The following EYS variants were observed in gnomAD, a reference collection of about 807,000 sequenced individuals.
EYS encodes EGF-like photoreceptor maintenance factor.
EYS carries 250 observed loss-of-function variants against 282.1 expected under a neutral mutation model. That is an observed-to-expected ratio of 0.89 (90% CI 0.80 to 0.98). The LOEUF is 0.98. EYS is among the 50% of genes least tolerant of loss of function. The pLI, the probability that EYS is intolerant of heterozygous loss-of-function variation, is 0.00. For missense variants in EYS, 4,016 were observed against 3,709.0 expected, an observed-to-expected ratio of 1.08 and a Z score of -2.15; for synonymous variants, 1,355 against 1,282.9, an observed-to-expected ratio of 1.06 and a Z score of -1.20.
chr6:65,151,741 G>A (rs558654947), intron 12 of EYS, among the ~76,000 whole-genome samples: 75 of 151,942 alleles, frequency 4.9e-4, no homozygotes, highest in African/African-American at 1.7e-3. Flanking sequence ...GATTAGCTAT[G>A]TATTTTCAGT....
At chr6:65,696,829 C>G (rs9363421) in intron 1 of EYS, among the ~76,000 whole-genome samples, 46,450 of 151,784 alleles carry the variant, frequency 0.31, 8,271 homozygotes, top group African/African-American at 0.49. Flanking sequence ...AAAAATATTT[C>G]TAAAGAAAAT....
At chr6:64,809,362 G>A (rs1429723322) in intron 22 of EYS, among the ~76,000 whole-genome samples, 3 of 151,850 alleles carry the variant, frequency 2.0e-5, no homozygotes, top group Non-Finnish European at 2.9e-5. Context: ...TTACATTTAC[G>A]ATGAAAGAAA....
At chr6:64,152,942 T>A (rs1774790865) in intron 31 of EYS, among the ~76,000 whole-genome samples, 1 of 152,138 alleles carries the variant, frequency 6.6e-6, no homozygotes, top group South Asian at 2.1e-4. Context: ...AAAAATTGTA[T>A]GCTGTGTAGG....
At chr6:64,981,004 G>A (rs529854823) in intron 14 of EYS, among the ~76,000 whole-genome samples, 2 of 151,336 alleles carry the variant, frequency 1.3e-5, no homozygotes, top group Non-Finnish European at 3.0e-5. Flanking sequence ...GATTTAAGTC[G>A]CTGTAATTCA....
chr6:63,843,614 A>T (rs976129607), intron 36 of EYS, among the ~76,000 whole-genome samples: 11 of 152,174 alleles, frequency 7.2e-5, no homozygotes, highest in Non-Finnish European at 1.5e-5. Flanking sequence ...AAATAATAAG[A>T]GCTATTTATG....
rs1175147346 is a variant in EYS at position 64,699,753 on chromosome 6, T to A, written c.3444-73508A>T. On this transcript the variant is annotated intron_variant, in intron 22 of 42. Coordinates refer to ENST00000503581, the MANE Select transcript of EYS (RefSeq NM_001142800.2). ...AAGACTGGTCAAATTCACAGATGAA[T>A]TCTATCAAATCTACAAAGAAAAACT... is the stretch of plus-strand genomic sequence containing the variant. Among the ~76,000 whole-genome samples, 3 of 152,004 alleles carry A rather than the reference T, an allele frequency of 2.0e-5. No homozygotes were observed. In the East Asian group the frequency reaches 5.8e-4, roughly 29 times the overall value.
chr6:63,725,289 G>T (rs1582144619), intron 42 of EYS, among the ~76,000 whole-genome samples: 1 of 151,932 alleles, frequency 6.6e-6, no homozygotes, highest in East Asian at 1.9e-4. Context: ...CCTCCTATGT[G>T]TATTAGTGTG....
chr6:64,872,810 T>C (rs927137422), intron 19 of EYS, among the ~76,000 whole-genome samples: 13 of 151,884 alleles, frequency 8.6e-5, no homozygotes, highest in Non-Finnish European at 1.6e-4. Flanking sequence ...ATTCCCCCAG[T>C]ACCTAGACAA....
At chr6:65,498,673 AAC>A (rs1290886854) in intron 2 of EYS, among the ~76,000 whole-genome samples, 3 of 151,904 alleles carry the variant, frequency 2.0e-5, no homozygotes, top group Non-Finnish European at 4.4e-5. Flanking sequence ...AAAAAACACT[AAC>A]ACAAAAACAT....
At chr6:64,494,211 C>T (rs907869000) in intron 26 of EYS, among the ~76,000 whole-genome samples, 14 of 151,566 alleles carry the variant, frequency 9.2e-5, no homozygotes, top group Non-Finnish European at 4.4e-5. Context: ...TCTCTTGGGT[C>T]TGATTTCATT....
intron 35 of EYS, among the ~76,000 whole-genome samples, chr6:63,977,581 T>A (rs1490038008): frequency 6.6e-6 from 1 of 151,904 alleles, no homozygotes. Flanking sequence ...GGTGAGGGGA[T>A]GTCAGCAGGT....
At chr6:64,342,840 A>C (rs1327945488) in intron 29 of EYS, among the ~76,000 whole-genome samples, 1 of 152,168 alleles carries the variant, frequency 6.6e-6, no homozygotes, top group Non-Finnish European at 1.5e-5. Context: ...ACATAGACTC[A>C]AAATAAAGGG....
chr6:64,032,571 A>G (rs2149830893), intron 33 of EYS, among the ~76,000 whole-genome samples: 1 of 152,334 alleles, frequency 6.6e-6, no homozygotes, highest in South Asian at 2.1e-4. Flanking sequence ...GCTCAGGCCC[A>G]CAAGACTAAT....
chr6:65,681,752 C>A (rs543320985), intron 1 of EYS, among the ~76,000 whole-genome samples: 7 of 152,012 alleles, frequency 4.6e-5, no homozygotes, highest in South Asian at 4.1e-4. Context: ...AAACAGATTT[C>A]TTCTTGATTT....
intron 11 of EYS, among the ~76,000 whole-genome samples, chr6:65,315,140 G>A (rs1258657260): frequency 6.6e-6 from 1 of 152,034 alleles, no homozygotes; most frequent in African/African-American, 2.4e-5. Flanking sequence ...CTGCTGAGTA[G>A]TTTACTGCAT....
At chr6:64,169,557 G>C (rs1205550464) in intron 31 of EYS, among the ~76,000 whole-genome samples, 3 of 152,108 alleles carry the variant, frequency 2.0e-5, no homozygotes, top group African/African-American at 4.8e-5. Context: ...CCTAAGACAG[G>C]AAAGGAGGGA....
At chr6:64,435,014 T>TTC in intron 28 of EYS, among the ~76,000 whole-genome samples, 1 of 152,128 alleles carries the variant, frequency 6.6e-6, no homozygotes, top group Middle Eastern at 3.4e-3. Context: ...ATGATGGTCA[T>TTC]CCCTGCCCAG....
At chr6:63,726,063 A>G (rs904627440) in intron 42 of EYS, among the ~76,000 whole-genome samples, 1 of 152,162 alleles carries the variant, frequency 6.6e-6, no homozygotes, top group Non-Finnish European at 1.5e-5. Flanking sequence ...TTAAAATCCT[A>G]AAATGTTTTT....
chr6:65,562,381 C>T (rs1769098172), intron 2 of EYS, among the ~76,000 whole-genome samples: 1 of 151,884 alleles, frequency 6.6e-6, no homozygotes, highest in Non-Finnish European at 1.5e-5. Flanking sequence ...TTAATAGTCA[C>T]CTATAACTTA....
Sources: gnomAD v4.1 joint callset for allele counts (sites outside exome capture counted in the v4.1 genomes callset) on GRCh38, gnomAD v4.1.1 for gene constraint, MANE v1.5 for transcripts, NCBI Gene and HGNC (gene_info 2026-07-23, HGNC 2026-07-21) for gene names.